CTNND2: variants seen among roughly 807,000 people sequenced by gnomAD.
CTNND2 encodes the protein catenin delta-2.
In CTNND2, 22 loss-of-function variants were observed where a neutral mutation model predicts 144.4. That is an observed-to-expected ratio of 0.15 (90% CI 0.11 to 0.22). The LOEUF (loss-of-function observed/expected upper bound fraction) is 0.22. Ranked by LOEUF, CTNND2 falls within the 10% of genes least tolerant of loss-of-function variation. The pLI, the probability that CTNND2 is intolerant of heterozygous loss-of-function variation, is 1.00. For synonymous variants in CTNND2, 751 were observed against 695.6 expected (o/e 1.08, Z -1.25); for missense variants, 1,353 against 1,618.8 (o/e 0.84, Z 2.82).
chr5:11,381,999 AAAC>A (rs1174297614), intron 7 of CTNND2, among the ~76,000 whole-genome samples: 1 of 151,318 alleles, frequency 6.6e-6, no homozygotes, highest in African/African-American at 2.4e-5. Context: ...AAACAAAACA[AAAC>A]AAAACAAAAC....
intron 12 of CTNND2, among the ~76,000 whole-genome samples, chr5:11,144,743 G>A (rs1757081204): frequency 6.6e-6 from 1 of 152,166 alleles, no homozygotes. Context: ...CCCAAGCTGA[G>A]ATGATCTAGG....
chr5:11,149,804 T>C (rs1455783218), intron 12 of CTNND2, among the ~76,000 whole-genome samples: 1 of 152,184 alleles, frequency 6.6e-6, no homozygotes, highest in Non-Finnish European at 1.5e-5. Flanking sequence ...TACTAAATAT[T>C]GCTTCTTCGG....
intron 2 of CTNND2, among the ~76,000 whole-genome samples, chr5:11,698,287 TA>T (rs1279748494): frequency 1.4e-4 from 20 of 142,448 alleles, no homozygotes; most frequent in Non-Finnish European, 1.9e-4. Flanking sequence ...AACACATTAT[TA>T]TTTTTTTTTT....
intron 11 of CTNND2, among the ~76,000 whole-genome samples, chr5:11,199,069 C>A (rs551041029): frequency 1.2e-3 from 181 of 152,256 alleles, no homozygotes; most frequent in Non-Finnish European, 1.7e-3. Context: ...TGTTGTTAAA[C>A]ACACTAGAAA....
At chr5:11,480,608 C>A (rs1271028432) in intron 3 of CTNND2, among the ~76,000 whole-genome samples, 1 of 151,068 alleles carries the variant, frequency 6.6e-6, no homozygotes, top group Non-Finnish European at 1.5e-5. Context: ...TAACTCCCCC[C>A]ACCAAACATG....
intron 11 of CTNND2, among the ~76,000 whole-genome samples, chr5:11,174,791 C>A (rs771183884): frequency 3.3e-5 from 5 of 152,246 alleles, no homozygotes; most frequent in Admixed American, 1.3e-4. Flanking sequence ...TGGCAAAGCA[C>A]GCAGAACGGT....
At chr5:11,444,633 C>T (rs1764643952) in intron 3 of CTNND2, among the ~76,000 whole-genome samples, 1 of 152,126 alleles carries the variant, frequency 6.6e-6, no homozygotes, top group South Asian at 2.1e-4. Flanking sequence ...ACCCAGGAGG[C>T]AGAGGTTGCA....
intron 9 of CTNND2, among the ~76,000 whole-genome samples, chr5:11,320,737 A>G (rs879259959): frequency 5.3e-5 from 8 of 152,126 alleles, no homozygotes; most frequent in African/African-American, 9.7e-5. Flanking sequence ...ACCCGCCCCC[A>G]TGATTCAATC....
chr5:11,593,560 T>C (rs1779362742), intron 2 of CTNND2, among the ~76,000 whole-genome samples: 1 of 152,164 alleles, frequency 6.6e-6, no homozygotes, highest in Admixed American at 6.5e-5. Context: ...AACTGAATCA[T>C]GGGGGCAGGT....
intron 10 of CTNND2, among the ~76,000 whole-genome samples, chr5:11,218,376 C>T (rs27520): frequency 0.52 from 78,398 of 151,896 alleles, 20,487 homozygotes; most frequent in East Asian, 0.74. Flanking sequence ...TTTGTAAGCC[C>T]GATAATCATT....
intron 6 of CTNND2, chr5:11,386,137 G>A (rs982909554): frequency 3.3e-5 from 5 of 152,242 alleles, no homozygotes; most frequent in Admixed American, 3.3e-4. Flanking sequence ...AGACAAATTT[G>A]CATTCGAATG....
intron 1 of CTNND2, among the ~76,000 whole-genome samples, chr5:11,816,264 T>C (rs1368806187): frequency 6.6e-6 from 1 of 152,130 alleles, no homozygotes; most frequent in Non-Finnish European, 1.5e-5. Flanking sequence ...GAGTTCCCAC[T>C]GGCTACCTGA....
intron 3 of CTNND2, among the ~76,000 whole-genome samples, chr5:11,434,630 C>A (rs1366181949): frequency 6.8e-6 from 1 of 147,368 alleles, no homozygotes; most frequent in Non-Finnish European, 1.5e-5. Context: ...AATGGATAAG[C>A]ATTTGGAAAG....
At chr5:11,131,711 C>G (rs1156766467) in intron 12 of CTNND2, among the ~76,000 whole-genome samples, 1 of 152,148 alleles carries the variant, frequency 6.6e-6, no homozygotes, top group East Asian at 1.9e-4. Flanking sequence ...ATGGCATGAA[C>G]CCGGGAGGCG....
chr5:11,428,872 A>G (rs1763022694), intron 3 of CTNND2, among the ~76,000 whole-genome samples: 1 of 152,250 alleles, frequency 6.6e-6, no homozygotes, highest in African/African-American at 2.4e-5. Context: ...TTCAAGAATC[A>G]GTTCCTGAGC....
At chr5:11,886,254 C>G (rs1736524301) in intron 1 of CTNND2, among the ~76,000 whole-genome samples, 1 of 151,706 alleles carries the variant, frequency 6.6e-6, no homozygotes, top group African/African-American at 2.4e-5. Flanking sequence ...AATAAAATGA[C>G]AAATATTTTG....
intron 11 of CTNND2, among the ~76,000 whole-genome samples, chr5:11,175,150 T>C (rs561373705): frequency 6.6e-6 from 1 of 152,270 alleles, no homozygotes; most frequent in Non-Finnish European, 1.5e-5. Flanking sequence ...GTAATTTCTC[T>C]GTATGGATAT....
In CTNND2 at chr5:11,415,303, C is replaced by T. The variant is rs537214243; in HGVS notation, c.288-3234G>A. Among the ~76,000 whole-genome samples, 68 of 152,198 alleles carry T rather than the reference C, an allele frequency of 4.5e-4. 1 individual carries two copies. The highest frequency in any genetic ancestry group is 1.5e-3 in the African/African-American group (63 of 41,524). On this transcript the variant is annotated intron_variant, in intron 3 of 21. Transcript: ENST00000304623. Reference sequence around the variant, plus strand: ...TTCTTTCAAAATCAAGTCATGGTGGCGCTAGGCATGGTGACTCATGCCTCT... The same window carrying T: ...TTCTTTCAAAATCAAGTCATGGTGGTGCTAGGCATGGTGACTCATGCCTCT...
At chr5:11,530,311 C>G (rs1274855772) in intron 3 of CTNND2, among the ~76,000 whole-genome samples, 1 of 152,042 alleles carries the variant, frequency 6.6e-6, no homozygotes, top group African/African-American at 2.4e-5. Flanking sequence ...AATCCTGCCT[C>G]GATAACCATC....
Sources: allele counts gnomAD v4.1 joint callset (sites outside exome capture counted in the v4.1 genomes callset), GRCh38; gene constraint gnomAD v4.1.1; transcripts MANE v1.5; gene names NCBI Gene and HGNC (gene_info 2026-07-23, HGNC 2026-07-21).